The following HS6ST2 variants were observed in gnomAD, a reference collection of about 807,000 sequenced individuals.
The protein encoded by HS6ST2 is heparan sulfate 6-O-sulfotransferase 2.
HS6ST2 carries 17 observed loss-of-function variants against 33.0 expected under a neutral mutation model. The observed-to-expected ratio is 0.52, with a 90% CI of 0.35 to 0.77. The LOEUF (loss-of-function observed/expected upper bound fraction) is 0.77, where lower values mean the gene tolerates loss of function less well. Ranked by LOEUF, HS6ST2 falls within the 30% of genes least tolerant of loss-of-function variation. The probability of loss-of-function intolerance (pLI) is 0.01; values close to 1 mark genes in which losing one functional copy is unlikely to be tolerated. For missense variants in HS6ST2, 519 were observed against 551.7 expected (o/e 0.94, Z 0.59); for synonymous variants, 248 against 237.1 (o/e 1.05, Z -0.42).
rs892167636 is a variant in HS6ST2 at position 132,928,787 on chromosome X, C to T, written c.947+28021G>A. On this transcript the variant is annotated intron_variant, in intron 2 of 4. Transcript: ENST00000370833. ...ACCTATGGCACTGCTAGCTCTGTAA[C>T]CCCAGGACCTAACACAGATCCTGGC... Among the ~76,000 whole-genome samples the T allele has an allele frequency of 2.7e-5, 3 of 111,451 alleles. No individual in the cohort carries two copies. The East Asian group carries it at 8.5e-4, about 31-fold the overall frequency.
intron 2 of HS6ST2, among the ~76,000 whole-genome samples, chrX:132,823,468 C>T (rs940232380): frequency 2.7e-5 from 3 of 110,047 alleles, no homozygotes; most frequent in Admixed American, 2.0e-4. Flanking sequence ...CACTGTATCA[C>T]TCTGCATGCC....
In HS6ST2 at chrX:132,626,885, C is replaced by T. The variant is rs1186060607; in HGVS notation, c.*1338G>A. ...CGACTTACACTACCAAATTACTCTG[C>T]TCAACTCATATGTTCCTGATATGTA... On this transcript the variant is annotated 3_prime_UTR_variant, in exon 5 of 5. Coordinates refer to ENST00000370833, the MANE Select transcript of HS6ST2 (RefSeq NM_001394073.1). 1 of 112,164 alleles carries T rather than the reference C, an allele frequency of 8.9e-6. No individual in the cohort carries two copies. The highest frequency in any genetic ancestry group is 1.9e-5 in the Non-Finnish European group (1 of 53,223). The allele number at this position is 112,164 out of a possible 1,213,427, so 9.2% of individuals were successfully genotyped here.
At chrX:132,704,397 A>C (rs952921680) in intron 3 of HS6ST2, among the ~76,000 whole-genome samples, 2 of 111,214 alleles carry the variant, frequency 1.8e-5, no homozygotes, top group African/African-American at 6.6e-5. Context: ...TCTACTAAAA[A>C]TACAAAATTA....
intron 2 of HS6ST2, among the ~76,000 whole-genome samples, chrX:132,806,550 G>A (rs867889906): frequency 1.8e-5 from 2 of 109,522 alleles, no homozygotes; most frequent in Non-Finnish European, 3.8e-5. Flanking sequence ...AAATATTTAG[G>A]CTTTCTAGGC....
intron 2 of HS6ST2, among the ~76,000 whole-genome samples, chrX:132,764,841 GTTC>G (rs1188220430): frequency 8.9e-6 from 1 of 111,939 alleles, no homozygotes; most frequent in African/African-American, 3.3e-5. Flanking sequence ...TTTTGGGGGT[GTTC>G]TTCTCAATTC....
intron 2 of HS6ST2, among the ~76,000 whole-genome samples, chrX:132,756,631 C>A (rs1734990329): frequency 1.8e-5 from 2 of 110,648 alleles, no homozygotes; most frequent in Admixed American, 1.9e-4. Context: ...CTCTCTTGCT[C>A]CTGCATGAGC....
chrX:132,628,655 A>G lies in HS6ST2; in HGVS notation c.1506T>C (p.Thr502=), dbSNP rs781471500. 1.7e-6 allele frequency: 2 copies of G among 1,211,038 alleles called. No individual in the cohort carries two copies. The highest frequency in any genetic ancestry group is 5.9e-5 in the East Asian group (2 of 33,840). ...CATTGATCTCTACACTAGAGGCCCT[A>G]GTGGTATTATACTGGGTAAATGGCG... ...FISPFTQYNT[T]RASSVEINEE... is the part of the protein sequence containing the mutation. The change falls in exon 5 of 5, where the codon ACT becomes ACC. Residue 502 remains threonine (T), a synonymous_variant. Transcript: ENST00000370833.
rs188457485 is a variant in HS6ST2 at position 132,850,622 on chromosome X, T to C, written c.947+106186A>G. On this transcript the variant is annotated intron_variant, in intron 2 of 4. Coordinates refer to ENST00000370833, the MANE Select transcript of HS6ST2 (RefSeq NM_001394073.1). ...CAGAAGAAAGGGATGGAGGTGGAGA[T>C]AGAGGCGTTAAAGCACAGGTAGGAA... Among the ~76,000 whole-genome samples the C allele has an allele frequency of 1.7e-4, 19 of 111,023 alleles. 1 individual carries two copies. Among genetic ancestry groups the C allele is most frequent in the African/African-American group, 6.2e-4 (19 of 30,567 alleles).
intron 2 of HS6ST2, among the ~76,000 whole-genome samples, chrX:132,735,658 G>A (rs2148281834): frequency 9.0e-6 from 1 of 111,329 alleles, no homozygotes; most frequent in East Asian, 2.9e-4. Context: ...GCTTTCTCTG[G>A]ATGCCCACAT....
At chrX:132,636,638 A>G (rs1022615257) in intron 4 of HS6ST2, among the ~76,000 whole-genome samples, 1 of 111,448 alleles carries the variant, frequency 9.0e-6, no homozygotes, top group Non-Finnish European at 1.9e-5. Context: ...ACAGGCAAGG[A>G]CTTGTCCCCA....
At position 132,778,590 on chromosome X, in the gene HS6ST2, G is replaced by C. The variant is rs905580683; in HGVS notation, c.948-70096C>G. Reference sequence around the variant, plus strand: ...AATTTTTTTTTTTGTATTTTTAGTAGAGATGGGGTTTCACCATGTTGGTCA... The same window carrying C: ...AATTTTTTTTTTTGTATTTTTAGTACAGATGGGGTTTCACCATGTTGGTCA... On this transcript the variant is annotated intron_variant, in intron 2 of 4. Transcript: ENST00000370833. Among the ~76,000 whole-genome samples the C allele has an allele frequency of 9.2e-5, 10 of 108,697 alleles. No individual in the cohort carries two copies. In the East Asian group the frequency reaches 2.9e-3, roughly 31 times the overall value. 94.4% of individuals were successfully genotyped at this position (108,697 alleles called of 115,157 possible).
intron 2 of HS6ST2, among the ~76,000 whole-genome samples, chrX:132,927,858 G>GAAAAAA (rs752332242): frequency 1.9e-5 from 1 of 51,881 alleles, no homozygotes; most frequent in African/African-American, 7.8e-5. Context: ...CCCTGTCTCA[G>GAAAAAA]AAAAAAAAAA....
intron 2 of HS6ST2, among the ~76,000 whole-genome samples, chrX:132,743,732 C>G (rs149587537): frequency 6.7e-4 from 75 of 111,609 alleles, no homozygotes; most frequent in African/African-American, 2.3e-3. Flanking sequence ...AAGTCTGTGT[C>G]CTATCCACTG....
chrX:132,785,991 T>G lies in HS6ST2; in HGVS notation c.948-77497A>C, dbSNP rs1320302114. On this transcript the variant is annotated intron_variant, in intron 2 of 4. Coordinates refer to ENST00000370833, the MANE Select transcript of HS6ST2 (RefSeq NM_001394073.1). The stretch of plus-strand genomic sequence containing the variant: ...TTATACCCAAGGTCTACAGCACCAC[T>G]AATGAGCTGTGTGACCCCATAGGCA... Among the ~76,000 whole-genome samples, 3 of 111,440 alleles carry G rather than the reference T, an allele frequency of 2.7e-5. No homozygotes were observed. In the Admixed American group the frequency reaches 2.9e-4, roughly 11 times the overall value.
intron 2 of HS6ST2, among the ~76,000 whole-genome samples, chrX:132,745,378 C>T (rs964349394): frequency 8.0e-5 from 9 of 112,230 alleles, no homozygotes; most frequent in African/African-American, 2.6e-4. Context: ...AGCCACCGCG[C>T]CCAGCCCCGA....
intron 2 of HS6ST2, among the ~76,000 whole-genome samples, chrX:132,718,735 G>A (rs1469728930): frequency 9.0e-6 from 1 of 110,674 alleles, no homozygotes; most frequent in Admixed American, 9.6e-5. Context: ...AACAGAGGTA[G>A]TAGCTCATTT....
At chrX:132,646,995 C>T (rs1367265818) in intron 4 of HS6ST2, among the ~76,000 whole-genome samples, 1 of 111,334 alleles carries the variant, frequency 9.0e-6, no homozygotes, top group Non-Finnish European at 1.9e-5. Flanking sequence ...GATTCAATTA[C>T]CTGCTGCTGG....
intron 2 of HS6ST2, among the ~76,000 whole-genome samples, chrX:132,726,789 C>A (rs2064396049): frequency 9.0e-6 from 1 of 111,526 alleles, no homozygotes; most frequent in African/African-American, 3.3e-5. Context: ...GCTTTTTTTT[C>A]ACTCACATAA....
At chrX:132,865,312 A>C (rs2148422278) in intron 2 of HS6ST2, among the ~76,000 whole-genome samples, 1 of 110,643 alleles carries the variant, frequency 9.0e-6, no homozygotes, top group South Asian at 4.0e-4. Context: ...TGAACTCATC[A>C]TTTTTTATGG....
Sources: allele counts gnomAD v4.1 joint callset (sites outside exome capture counted in the v4.1 genomes callset), GRCh38; gene constraint gnomAD v4.1.1; transcripts MANE v1.5; gene names NCBI Gene and HGNC (gene_info 2026-07-23, HGNC 2026-07-21).